INPP5B: variants seen among roughly 807,000 people sequenced by gnomAD.
INPP5B encodes inositol polyphosphate-5-phosphatase B.
INPP5B carries 90 observed loss-of-function variants against 118.5 expected under a neutral mutation model. The ratio of observed to expected loss-of-function variants is 0.76; its 90% CI spans 0.64 to 0.90. INPP5B has a LOEUF of 0.90. Among genes scored for constraint, INPP5B ranks in the 40% least tolerant of loss-of-function variants. The pLI, the probability that INPP5B is intolerant of heterozygous loss-of-function variation, is 0.00. For missense variants in INPP5B, 984 were observed against 1,125.6 expected, an observed-to-expected ratio of 0.87 and a Z score of 1.80; for synonymous variants, 385 against 418.9, an observed-to-expected ratio of 0.92 and a Z score of 0.99.
At chr1:37,920,677 G>GAAGAAGAACAAAAAAAAAAA (rs1645021779) in intron 7 of INPP5B, among the ~76,000 whole-genome samples, 1 of 71,672 alleles carries the variant, frequency 1.4e-5, no homozygotes, top group Non-Finnish European at 4.5e-5. Context: ...AAAAAAAAAA[G>GAAGAAGAACAAAAAAAAAAA]AAGAAGAAGA....
chr1:37,941,734 C>G (rs1436088050), intron 5 of INPP5B, among the ~76,000 whole-genome samples: 3 of 147,580 alleles, frequency 2.0e-5, no homozygotes, highest in Non-Finnish European at 3.0e-5. Context: ...GTCAGGAGAT[C>G]GAGACCATCC....
chr1:37,914,010 T>G (rs188057647), intron 7 of INPP5B, among the ~76,000 whole-genome samples: 1 of 152,226 alleles, frequency 6.6e-6, no homozygotes, highest in Admixed American at 6.5e-5. Context: ...CCCTTGAGAA[T>G]GTACTTTGTA....
At chr1:37,928,099 A>G (rs1645307984) in intron 7 of INPP5B, among the ~76,000 whole-genome samples, 1 of 151,922 alleles carries the variant, frequency 6.6e-6, no homozygotes, top group South Asian at 2.1e-4. Flanking sequence ...CTATCTACGT[A>G]TTATCAGACC....
In INPP5B at chr1:37,878,169, G is replaced by A. The variant is rs200032480; in HGVS notation, c.1677+19C>T. The A allele has an allele frequency of 5.9e-5, 95 of 1,613,422 alleles. No individual in the cohort carries two copies. The highest frequency in any genetic ancestry group is 7.5e-5 in the Non-Finnish European group (89 of 1,179,652). On this transcript the variant is annotated intron_variant, in intron 16 of 23. Coordinates refer to ENST00000373024, the MANE Select transcript of INPP5B (RefSeq NM_005540.3). ...AATTCCCTCCAGAATGATTACAACA[G>A]GTACCAGCTGCCACCTACCCCGATG...
At chr1:37,898,822 C>A (rs1208972213) in intron 7 of INPP5B, among the ~76,000 whole-genome samples, 2 of 151,898 alleles carry the variant, frequency 1.3e-5, no homozygotes, top group Admixed American at 1.3e-4. Context: ...GGTATGAAAC[C>A]ACCTCATTGA....
chr1:37,880,209 G>C lies in INPP5B; in HGVS notation c.1432-15C>G. 6.4e-7 allele frequency: 1 copy of C among 1,571,014 alleles called. No homozygotes were observed. Among genetic ancestry groups the C allele is most frequent in the Non-Finnish European group, 8.7e-7 (1 of 1,148,744 alleles). On this transcript the variant is annotated splice_polypyrimidine_tract_variant and intron_variant, in intron 14 of 23. Transcript: ENST00000373024. ...TGAATTTTCAGCTATACAAAAGGATGGGAGAAAAAAAAATATCAGAATAAA... is the reference window on the plus strand; with the variant it reads ...TGAATTTTCAGCTATACAAAAGGATCGGAGAAAAAAAAATATCAGAATAAA...
chr1:37,946,368 C>A, intron 1 of INPP5B, 34 bp from the exon 2 acceptor site: 3 of 1,512,618 alleles, frequency 2.0e-6, no homozygotes, highest in South Asian at 2.3e-5. Context: ...CCGCTTTGGT[C>A]AACAAGTTAC....
At chr1:37,943,466 A>C (rs1646008989) in intron 5 of INPP5B, among the ~76,000 whole-genome samples, 174 bp downstream of exon 5, 1 of 152,078 alleles carries the variant, frequency 6.6e-6, no homozygotes, top group Non-Finnish European at 1.5e-5. Context: ...AAACAGCAGC[A>C]AGGAGGAGAG....
At position 37,860,704 on chromosome 1, in the gene INPP5B, A is replaced by G. The variant is rs1184101415; in HGVS notation, c.*1611T>C. On this transcript the variant is annotated 3_prime_UTR_variant, in exon 24 of 24. Coordinates refer to ENST00000373024, the MANE Select transcript of INPP5B (RefSeq NM_005540.3). Reference sequence around the variant, plus strand: ...AAAAACATACACAACCGCCACTGTTAAAAATACATTTATCATTAAAATATA... The same window carrying G: ...AAAAACATACACAACCGCCACTGTTGAAAATACATTTATCATTAAAATATA... 6.6e-6 allele frequency: 1 copy of G among 152,264 alleles called. No individual in the cohort carries two copies. The highest frequency in any genetic ancestry group is 1.5e-5 in the Non-Finnish European group (1 of 68,050). 9.4% of individuals were successfully genotyped at this position (152,264 alleles called of 1,614,324 possible).
At chr1:37,925,859 G>A (rs2148647425) in intron 7 of INPP5B, among the ~76,000 whole-genome samples, 1 of 152,264 alleles carries the variant, frequency 6.6e-6, no homozygotes, top group South Asian at 2.1e-4. Context: ...AACAACAAAA[G>A]GAAGAAGAAA....
chr1:37,926,034 C>A (rs550772642), intron 7 of INPP5B, among the ~76,000 whole-genome samples: 1 of 152,264 alleles, frequency 6.6e-6, no homozygotes, highest in Non-Finnish European at 1.5e-5. Context: ...ATGTTGGTCA[C>A]ACAAGTTTTA....
intron 7 of INPP5B, among the ~76,000 whole-genome samples, chr1:37,905,046 TA>T: frequency 6.6e-6 from 1 of 152,320 alleles, no homozygotes; most frequent in South Asian, 2.1e-4. Flanking sequence ...ATATAAATCA[TA>T]AAGGAAGCAT....
chr1:37,931,956 G>A lies in INPP5B; in HGVS notation c.489C>T (p.Asn163=), dbSNP rs1346771060. ...ELEMPTPRGC[N]SALVTWPGYA... is the part of the protein sequence containing the mutation. ...ACCCTGGCCAGGTAACTAGGGCCGAGTTACAACCGCGCGGCGTTGGCATCT... is the reference window on the plus strand; with the variant it reads ...ACCCTGGCCAGGTAACTAGGGCCGAATTACAACCGCGCGGCGTTGGCATCT... The change falls in exon 7 of 24, where the codon AAC becomes AAT. Residue 163 remains asparagine (N), a synonymous_variant. Coordinates refer to ENST00000373024, the MANE Select transcript of INPP5B (RefSeq NM_005540.3). 6.2e-7 allele frequency: 1 copy of A among 1,614,088 alleles called. No individual in the cohort carries two copies. Among genetic ancestry groups the A allele is most frequent in the Non-Finnish European group, 8.5e-7 (1 of 1,180,014 alleles).
intron 5 of INPP5B, among the ~76,000 whole-genome samples, chr1:37,943,423 C>T (rs941871847): frequency 9.9e-5 from 15 of 151,768 alleles, no homozygotes; most frequent in African/African-American, 2.9e-4. Context: ...GCAGGGGCTC[C>T]GGGGTGAGAA....
intron 4 of INPP5B, 56 bp from the exon 5 acceptor site, chr1:37,943,725 C>A: frequency 6.2e-7 from 1 of 1,612,462 alleles, no homozygotes. Context: ...CCCCTTGCCC[C>A]CCCATCAAGG....
At chr1:37,894,501 C>T (rs1211097180) in intron 7 of INPP5B, among the ~76,000 whole-genome samples, 1 of 151,912 alleles carries the variant, frequency 6.6e-6, no homozygotes, top group South Asian at 2.1e-4. Context: ...TACAGTCACA[C>T]AATTCAATAT....
At chr1:37,891,868 A>G (rs1388644672) in intron 7 of INPP5B, among the ~76,000 whole-genome samples, 1 of 152,230 alleles carries the variant, frequency 6.6e-6, no homozygotes, top group Non-Finnish European at 1.5e-5. Flanking sequence ...TCTAGGAATT[A>G]TTGGTAGTCC....
intron 20 of INPP5B, among the ~76,000 whole-genome samples, chr1:37,868,218 C>T (rs1479298326): frequency 1.3e-5 from 2 of 149,202 alleles, no homozygotes; most frequent in Non-Finnish European, 3.0e-5. Context: ...GAGACTGAGG[C>T]GGGAGAATCA....
At chr1:37,944,801 AG>A (rs540168014) in intron 3 of INPP5B, among the ~76,000 whole-genome samples, 21 of 136,374 alleles carry the variant, frequency 1.5e-4, no homozygotes, top group African/African-American at 4.3e-4. Flanking sequence ...GGGGCGGGGT[AG>A]GGGGGGCGGT....
Sources: gnomAD v4.1 joint callset for allele counts (sites outside exome capture counted in the v4.1 genomes callset) on GRCh38, gnomAD v4.1.1 for gene constraint, MANE v1.5 for transcripts, NCBI Gene and HGNC (gene_info 2026-07-23, HGNC 2026-07-21) for gene names.